The following DLGAP2 variants were observed in gnomAD, a reference collection of about 807,000 sequenced individuals.
DLGAP2 encodes the protein disks large-associated protein 2.
In DLGAP2, 26 loss-of-function variants were observed where a neutral mutation model predicts 100.3. The ratio of observed to expected loss-of-function variants is 0.26; its 90% CI spans 0.19 to 0.36. DLGAP2 has a LOEUF of 0.36. DLGAP2 is among the 10% of genes least tolerant of loss of function. The pLI is 1.00. For synonymous variants in DLGAP2, 886 were observed against 630.1 expected, an observed-to-expected ratio of 1.41 and a Z score of -6.08; for missense variants, 1,858 against 1,453.2, an observed-to-expected ratio of 1.28 and a Z score of -4.53.
chr8:804,504 C>G (rs1223156369), intron 1 of DLGAP2, among the ~76,000 whole-genome samples: 1 of 152,148 alleles, frequency 6.6e-6, no homozygotes, highest in Non-Finnish European at 1.5e-5. Context: ...CGTGTGTTAT[C>G]AGGTGACGAG....
intron 3 of DLGAP2, among the ~76,000 whole-genome samples, chr8:1,278,099 A>G (rs1015504793): frequency 6.6e-6 from 1 of 152,108 alleles, no homozygotes; most frequent in Admixed American, 6.5e-5. Flanking sequence ...ATTTATTCAG[A>G]TGATACCTCA....
chr8:1,337,400 T>TAGTGAG (rs1382103198), intron 3 of DLGAP2, among the ~76,000 whole-genome samples: 1 of 194 alleles, frequency 5.2e-3, no homozygotes, highest in Non-Finnish European at 0.011. Context: ...AGGATGATGG[T>TAGTGAG]GATGATGGTG....
chr8:921,740 T>C (rs1798720256), intron 2 of DLGAP2, among the ~76,000 whole-genome samples: 1 of 152,252 alleles, frequency 6.6e-6, no homozygotes, highest in Non-Finnish European at 1.5e-5. Flanking sequence ...GGCTTCCCAC[T>C]GCCAGTCCTG....
chr8:1,045,466 T>G (rs1802489543), intron 2 of DLGAP2, among the ~76,000 whole-genome samples: 1 of 152,212 alleles, frequency 6.6e-6, no homozygotes, highest in Non-Finnish European at 1.5e-5. Context: ...CTAATTAACG[T>G]ATGCATTACT....
chr8:1,214,811 C>T (rs905981937), intron 2 of DLGAP2, among the ~76,000 whole-genome samples: 8 of 152,248 alleles, frequency 5.3e-5, no homozygotes, highest in African/African-American at 1.7e-4. Context: ...TTAGCCTTGA[C>T]TTCCACATAA....
At chr8:1,149,389 C>T (rs375782828) in intron 2 of DLGAP2, among the ~76,000 whole-genome samples, 27 of 152,030 alleles carry the variant, frequency 1.8e-4, no homozygotes, top group African/African-American at 2.9e-4. Context: ...CCTCGTGATC[C>T]GCTCACCTCG....
At chr8:1,353,261 A>G (rs1402377297) in intron 3 of DLGAP2, among the ~76,000 whole-genome samples, 1 of 152,162 alleles carries the variant, frequency 6.6e-6, no homozygotes, top group Non-Finnish European at 1.5e-5. Flanking sequence ...CTTTCTCTAG[A>G]CACATGTGAA....
intron 2 of DLGAP2, among the ~76,000 whole-genome samples, chr8:1,070,126 G>A (rs1803382281): frequency 6.6e-6 from 1 of 152,218 alleles, no homozygotes; most frequent in Non-Finnish European, 1.5e-5. Context: ...ACCTGAGAAG[G>A]TTTTGGGGCA....
intron 3 of DLGAP2, among the ~76,000 whole-genome samples, chr8:1,453,142 G>T (rs533337243): frequency 6.6e-6 from 1 of 151,732 alleles, no homozygotes; most frequent in African/African-American, 2.4e-5. Flanking sequence ...GGGGAACGTC[G>T]CAGGTATTGG....
intron 2 of DLGAP2, among the ~76,000 whole-genome samples, chr8:1,113,035 G>T (rs2129046165): frequency 6.6e-6 from 1 of 152,064 alleles, no homozygotes; most frequent in East Asian, 1.9e-4. Flanking sequence ...CTTATTTTTG[G>T]GCTGTCTATT....
rs576349224 is a variant in DLGAP2 at position 1,540,528 on chromosome 8, G to C, written c.173-8098G>C. Among the ~76,000 whole-genome samples the C allele has an allele frequency of 3.9e-5, 6 of 152,218 alleles. No individual in the cohort carries two copies. In the South Asian group the frequency reaches 6.2e-4, roughly 16 times the overall value. On this transcript the variant is annotated intron_variant, in intron 4 of 14. Transcript: ENST00000637795. The stretch of plus-strand genomic sequence containing the variant: ...CAATTCTGTAATTCTATGACCTCAT[G>C]AGAAAAGAAAAAAAAACACCCACCT...
chr8:1,624,891 T>G (rs545160724), intron 6 of DLGAP2, among the ~76,000 whole-genome samples: 1 of 114,128 alleles, frequency 8.8e-6, no homozygotes, highest in Admixed American at 8.4e-5. Context: ...CTCTCTTTCC[T>G]TTTTTTGGTC....
chr8:1,646,471 A>C (rs1798043462), intron 8 of DLGAP2, among the ~76,000 whole-genome samples: 1 of 152,124 alleles, frequency 6.6e-6, no homozygotes, highest in South Asian at 2.1e-4. Context: ...ATGTTCCATT[A>C]ATTCTGTTTC....
intron 3 of DLGAP2, chr8:1,302,446 C>T (rs1554438383): frequency 1.6e-5 from 2 of 126,158 alleles, no homozygotes; most frequent in Non-Finnish European, 3.5e-5. Context: ...TGGGACCGGA[C>T]TCGGAATTTT....
chr8:1,513,696 A>G (rs547764633), intron 4 of DLGAP2, among the ~76,000 whole-genome samples: 9 of 152,354 alleles, frequency 5.9e-5, no homozygotes, highest in Admixed American at 4.6e-4. Flanking sequence ...CTTCCTAATC[A>G]TATGCAATTC....
chr8:1,691,415 T>C (rs1287947028), intron 12 of DLGAP2, 120 bp from the exon 13 acceptor site: 2 of 798,018 alleles, frequency 2.5e-6, no homozygotes, highest in Non-Finnish European at 4.0e-6. Context: ...CTCGGCACGA[T>C]GAAGTCGTCA....
At position 1,618,136 on chromosome 8, in the gene DLGAP2, G is replaced by A. The variant is rs367973808; in HGVS notation, c.1443-8604G>A. ...AGGCAAACAAGAAGAGAAAAAGCAC[G>A]AAATTTAAAAGGAAGGAGCTCCTTC... On this transcript the variant is annotated intron_variant, in intron 6 of 14. Coordinates refer to ENST00000637795, the MANE Select transcript of DLGAP2 (RefSeq NM_001346810.2). 2.6e-5 allele frequency among the ~76,000 whole-genome samples: 4 copies of A among 152,252 alleles called. No individual in the cohort carries two copies. The East Asian group carries it at 7.7e-4, about 29-fold the overall frequency.
intron 2 of DLGAP2, among the ~76,000 whole-genome samples, chr8:949,462 G>C (rs1799420312): frequency 6.6e-6 from 1 of 152,100 alleles, no homozygotes; most frequent in Non-Finnish European, 1.5e-5. Flanking sequence ...TGCAAGAGGA[G>C]CCCTGGGCTT....
intron 2 of DLGAP2, among the ~76,000 whole-genome samples, chr8:999,473 G>A (rs1000809235): frequency 4.0e-5 from 6 of 150,448 alleles, no homozygotes; most frequent in Admixed American, 2.0e-4. Context: ...TTGTGGTGGT[G>A]GTTTTTCTTT....
Sources: gnomAD v4.1 joint callset for allele counts (sites outside exome capture counted in the v4.1 genomes callset) on GRCh38, gnomAD v4.1.1 for gene constraint, MANE v1.5 for transcripts, NCBI Gene and HGNC (gene_info 2026-07-23, HGNC 2026-07-21) for gene names.